The following PCBP3 variants were observed in gnomAD, a reference collection of about 807,000 sequenced individuals.
PCBP3 encodes the protein poly(rC)-binding protein 3.
PCBP3 carries 25 observed loss-of-function variants against 52.7 expected under a neutral mutation model. That is an observed-to-expected ratio of 0.47 (90% CI 0.35 to 0.66). The LOEUF (loss-of-function observed/expected upper bound fraction) is 0.66. Ranked by LOEUF, PCBP3 falls within the 30% of genes least tolerant of loss-of-function variation. The pLI is 0.01. For missense variants in PCBP3, 391 were observed against 490.3 expected (o/e 0.80, Z 1.91); for synonymous variants, 162 against 183.0 (o/e 0.89, Z 0.93).
At chr21:45,705,731 A>G (rs2083407104) in intron 2 of PCBP3, among the ~76,000 whole-genome samples, 1 of 152,148 alleles carries the variant, frequency 6.6e-6, no homozygotes, top group South Asian at 2.1e-4. Flanking sequence ...GGTCTCTTAT[A>G]GTCTTTTTTT....
chr21:45,804,138 G>A (rs1251280623), intron 4 of PCBP3, among the ~76,000 whole-genome samples: 5 of 152,150 alleles, frequency 3.3e-5, no homozygotes, highest in Admixed American at 2.6e-4. Flanking sequence ...TCTGCTGCCC[G>A]CGTGGCTGTA....
chr21:45,739,052 C>G (rs1235948560), intron 3 of PCBP3, among the ~76,000 whole-genome samples: 6 of 114,938 alleles, frequency 5.2e-5, no homozygotes, highest in Admixed American at 8.6e-5. Context: ...CCCTTCCTGT[C>G]CACGGTCCTC....
intron 4 of PCBP3, among the ~76,000 whole-genome samples, chr21:45,816,935 G>A (rs928209968): frequency 1.3e-5 from 2 of 152,018 alleles, no homozygotes; most frequent in Admixed American, 6.5e-5. Context: ...CCACAGGCGT[G>A]GGGGGAGCCA....
At chr21:45,897,751 C>T (rs540594498) in intron 6 of PCBP3, among the ~76,000 whole-genome samples, 27 of 152,264 alleles carry the variant, frequency 1.8e-4, no homozygotes, top group Admixed American at 5.2e-4. Context: ...ATGCATGGTG[C>T]TCCTGGGCTG....
intron 11 of PCBP3, 33 bp from the exon 12 acceptor site, chr21:45,913,918 C>A: frequency 6.3e-7 from 1 of 1,585,910 alleles, no homozygotes; most frequent in South Asian, 1.1e-5. Flanking sequence ...GCTGCTCTAA[C>A]GCTCTCTCTC....
At chr21:45,653,780 C>T (rs1205982188) in intron 1 of PCBP3, among the ~76,000 whole-genome samples, 2 of 151,866 alleles carry the variant, frequency 1.3e-5, no homozygotes, top group Non-Finnish European at 1.5e-5. Flanking sequence ...TTGTCTTGTC[C>T]TACATTTTCT....
intron 2 of PCBP3, among the ~76,000 whole-genome samples, chr21:45,692,876 T>G (rs1429287878): frequency 6.6e-6 from 1 of 152,168 alleles, no homozygotes; most frequent in Non-Finnish European, 1.5e-5. Context: ...ACTAAAATCC[T>G]TAAAACATTA....
chr21:45,834,547 A>G (rs1259209364), intron 4 of PCBP3, among the ~76,000 whole-genome samples: 1 of 152,136 alleles, frequency 6.6e-6, no homozygotes, highest in African/African-American at 2.4e-5. Context: ...TGCTGGCCTC[A>G]CAACAGAAGA....
At chr21:45,784,421 C>G (rs778140991) in intron 4 of PCBP3, among the ~76,000 whole-genome samples, 2,026 of 78,464 alleles carry the variant, frequency 0.026, 162 homozygotes, top group African/African-American at 0.076. Context: ...TACCGCTACC[C>G]CTACCTCCTA....
chr21:45,759,116 G>T (rs1368174510), intron 4 of PCBP3, among the ~76,000 whole-genome samples: 1 of 152,144 alleles, frequency 6.6e-6, no homozygotes, highest in Admixed American at 6.5e-5. Context: ...ATTTGGGTTT[G>T]TAGTGTTCTT....
chr21:45,872,182 G>A (rs1368137555), intron 5 of PCBP3: 2 of 152,274 alleles, frequency 1.3e-5, no homozygotes, highest in African/African-American at 4.8e-5. Flanking sequence ...CATCCATGCA[G>A]ACCCGTGTAG....
chr21:45,716,929 T>C (rs945445657), intron 2 of PCBP3, among the ~76,000 whole-genome samples: 2 of 152,188 alleles, frequency 1.3e-5, no homozygotes, highest in African/African-American at 4.8e-5. Flanking sequence ...AGAGATTGCA[T>C]TGAATTTGTA....
intron 4 of PCBP3, among the ~76,000 whole-genome samples, chr21:45,813,154 T>C (rs1232624144): frequency 1.3e-5 from 2 of 152,204 alleles, no homozygotes; most frequent in Non-Finnish European, 2.9e-5. Context: ...TTAAACATAT[T>C]TTAGACCACT....
chr21:45,736,040 C>A lies in PCBP3; in HGVS notation c.-162+611C>A, dbSNP rs1000751573. On this transcript the variant is annotated intron_variant, in intron 3 of 17. Coordinates refer to ENST00000681687, the MANE Select transcript of PCBP3 (RefSeq NM_001384156.1). The surrounding 1 kb of genome is among the most constrained non-coding windows in gnomAD (Gnocchi z 4.6). The stretch of plus-strand genomic sequence containing the variant: ...TTAAAATTATCCTTAAGATGTCTTT[C>A]TTTTTCTAAAGCTTATTAAAGGTCA... Among the ~76,000 whole-genome samples, 1 of 152,236 alleles carries A rather than the reference C, an allele frequency of 6.6e-6. No individual in the cohort carries two copies. Among genetic ancestry groups the A allele is most frequent in the Non-Finnish European group, 1.5e-5 (1 of 68,042 alleles).
chr21:45,769,581 AGAACTGGTGTCTG>A (rs1214176184), intron 4 of PCBP3, among the ~76,000 whole-genome samples: 1 of 152,232 alleles, frequency 6.6e-6, no homozygotes, highest in African/African-American at 2.4e-5. Flanking sequence ...TACAGAGGAG[AGAACTGGTGTCTG>A]GACCTTTTAG....
Position 45,774,604 on chromosome 21 carries a change from T to C in PCBP3, c.-126+19152T>C, listed in dbSNP as rs138366766. On this transcript the variant is annotated intron_variant, in intron 4 of 17. Transcript: ENST00000681687. Reference sequence around the variant, plus strand: ...CGTATCTTTATCTTCTTCTAATTCTTAGAGAGAACACTCTTAGCTTTTCTC... The same window carrying C: ...CGTATCTTTATCTTCTTCTAATTCTCAGAGAGAACACTCTTAGCTTTTCTC... Among the ~76,000 whole-genome samples the C allele has an allele frequency of 2.1e-4, 32 of 152,280 alleles. 1 individual carries two copies. The East Asian group carries it at 5.2e-3, about 25-fold the overall frequency.
In PCBP3 at chr21:45,653,286, G is replaced by T. The variant is rs529100673; in HGVS notation, c.-279+9418G>T. 2.6e-5 allele frequency among the ~76,000 whole-genome samples: 4 copies of T among 151,936 alleles called. No individual in the cohort carries two copies. The South Asian group carries it at 8.3e-4, about 32-fold the overall frequency. On this transcript the variant is annotated intron_variant, in intron 1 of 17. Coordinates refer to ENST00000681687, the MANE Select transcript of PCBP3 (RefSeq NM_001384156.1). ...GCATGTTACATCTGCTTTCTTACTA[G>T]TTTTTTTTGGTTGTTATATTCATTA...
chr21:45,652,006 G>A (rs1186202597), intron 1 of PCBP3, among the ~76,000 whole-genome samples: 1 of 152,124 alleles, frequency 6.6e-6, no homozygotes, highest in African/African-American at 2.4e-5. Context: ...GTATGAGATC[G>A]CTCCTTTAAT....
Position 45,810,690 on chromosome 21 carries a change from A to G in PCBP3, c.-125-39271A>G, listed in dbSNP as rs4818801. On this transcript the variant is annotated intron_variant, in intron 4 of 17. Coordinates refer to ENST00000681687, the MANE Select transcript of PCBP3 (RefSeq NM_001384156.1). ...ACCAGAGTTATGCTTGGTTTACGCA[A>G]TGACTTTGGAATTATTCCCTCTTCC... 5.3e-5 allele frequency among the ~76,000 whole-genome samples: 8 copies of G among 152,176 alleles called. 1 individual carries two copies. Among genetic ancestry groups the G allele is most frequent in the Admixed American group, 2.0e-4 (3 of 15,284 alleles).
Sources: allele counts gnomAD v4.1 joint callset (sites outside exome capture counted in the v4.1 genomes callset), GRCh38; gene constraint gnomAD v4.1.1; non-coding constraint Gnocchi (gnomAD v3.1); transcripts MANE v1.5; gene names NCBI Gene and HGNC (gene_info 2026-07-23, HGNC 2026-07-21).